EIF4G3: variants seen among roughly 807,000 people sequenced by gnomAD.
The protein encoded by EIF4G3 is eIF-4-gamma 3.
In EIF4G3, 34 loss-of-function variants were observed where a neutral mutation model predicts 186.4. That is an observed-to-expected ratio of 0.18 (90% CI 0.14 to 0.24). The LOEUF (loss-of-function observed/expected upper bound fraction) is 0.24, where lower values mean the gene tolerates loss of function less well. EIF4G3 is among the 10% of genes least tolerant of loss of function. The pLI, the probability that EIF4G3 is intolerant of heterozygous loss-of-function variation, is 1.00. For synonymous variants in EIF4G3, 673 were observed against 679.5 expected (o/e 0.99, Z 0.15); for missense variants, 1,536 against 1,948.5 (o/e 0.79, Z 3.99).
At chr1:21,159,107 C>T (rs113222673) in intron 2 of EIF4G3, among the ~76,000 whole-genome samples, 162 of 152,124 alleles carry the variant, frequency 1.1e-3, no homozygotes, top group African/African-American at 3.8e-3. Context: ...ACACGATTGT[C>T]GGGGAACTCA....
In EIF4G3 at chr1:21,058,717, CTCTTTTTTTTTTTTTT is replaced by C. The variant is rs1168685920; in HGVS notation, c.-195-7739_-195-7724del. On this transcript the variant is annotated intron_variant, in intron 3 of 36. Transcript: ENST00000602326. Reference sequence around the variant, plus strand: ...ATTTTTCTTCTTCTTCTCTCTCTCTCTCTTTTTTTTTTTTTTTTTTTTTTTTTTTTTTGTAGAGACA... The same window carrying C: ...ATTTTTCTTCTTCTTCTCTCTCTCTCTTTTTTTTTTTTTTTTGTAGAGACA... Among the ~76,000 whole-genome samples the C allele has an allele frequency of 1.3e-4, 14 of 104,682 alleles. No homozygotes were observed. The East Asian group carries it at 4.0e-3, about 30-fold the overall frequency. The allele number at this position is 104,682 out of a possible 152,430, so 68.7% of individuals were successfully genotyped here. A position where few individuals can be genotyped will look rare whatever the true frequency, so the allele number is the denominator to read the frequency against.
In EIF4G3 at chr1:20,854,170, T is replaced by C. The variant is rs2074176084; in HGVS notation, c.3434-493A>G. Among the ~76,000 whole-genome samples the C allele has an allele frequency of 2.6e-5, 4 of 152,212 alleles. No homozygotes were observed. In the South Asian group the frequency reaches 8.3e-4, roughly 31 times the overall value. ...CTTCCTCAAGCTAGTAAGATGTGTT[T>C]GTGAGATCCAAACATCTTTGGTCCT... On this transcript the variant is annotated intron_variant, in intron 26 of 36. Transcript: ENST00000602326.
chr1:20,851,455 T>C lies in EIF4G3; in HGVS notation c.3575A>G (p.Lys1192Arg), dbSNP rs1256197496. 6.2e-7 allele frequency: 1 copy of C among 1,614,148 alleles called. No individual in the cohort carries two copies. The highest frequency in any genetic ancestry group is 1.3e-5 in the African/African-American group (1 of 75,036). Residue 1192 changes from lysine to arginine, a missense_variant, in exon 28 of 37, where the codon AAG (lysine) becomes AGG (arginine). Around this residue, in one of 11 missense-constraint regions of EIF4G3, gnomAD observed 395 missense variants for 498.9 expected, o/e 0.79. Transcript: ENST00000602326. ...TGCAGATGGAAGGGGCTTGTCATTC[T>C]TCTCCCTGCCCATACTTCCACGACT... The part of the protein sequence containing the change: ...LTSRGSMGRE[K>R]NDKPLPSATA...
chr1:20,839,191 A>T (rs1362322935), intron 30 of EIF4G3, among the ~76,000 whole-genome samples: 1 of 151,548 alleles, frequency 6.6e-6, no homozygotes, highest in Non-Finnish European at 1.5e-5. Context: ...GTTAGCCAGG[A>T]TGGTCTCGAT....
intron 12 of EIF4G3, among the ~76,000 whole-genome samples, chr1:20,950,444 A>C (rs3767249): frequency 6.6e-6 from 1 of 152,046 alleles, no homozygotes; most frequent in African/African-American, 2.4e-5. Flanking sequence ...ACAATAGACG[A>C]CACATCTGAG....
intron 3 of EIF4G3, among the ~76,000 whole-genome samples, chr1:21,053,120 C>A (rs2094344429): frequency 6.6e-6 from 1 of 151,710 alleles, no homozygotes; most frequent in South Asian, 2.1e-4. Context: ...GGCCGCCATC[C>A]CATCTAGGAA....
At chr1:20,864,796 C>T in intron 21 of EIF4G3, 84 bp from the exon 22 acceptor site, 2 of 1,162,984 alleles carry the variant, frequency 1.7e-6, no homozygotes, top group Non-Finnish European at 2.5e-6. Flanking sequence ...GGTCAGAATC[C>T]CCGTGAGAAT....
At chr1:21,081,863 G>A (rs1006740183) in intron 3 of EIF4G3, among the ~76,000 whole-genome samples, 1 of 151,756 alleles carries the variant, frequency 6.6e-6, no homozygotes, top group African/African-American at 2.4e-5. Flanking sequence ...AGCTGGTCTC[G>A]AACTCCTGAC....
intron 15 of EIF4G3, among the ~76,000 whole-genome samples, chr1:20,903,068 C>T (rs1430078747): frequency 6.6e-6 from 1 of 152,254 alleles, no homozygotes; most frequent in Non-Finnish European, 1.5e-5. Context: ...AATTCTGGCT[C>T]ACCGCCTGCT....
chr1:21,162,089 A>G lies in EIF4G3; in HGVS notation c.-272+14086T>C, dbSNP rs181696148. 4.1e-3 allele frequency: 662 copies of G among 160,518 alleles called. 4 individuals are homozygous for G. Among genetic ancestry groups the G allele is most frequent in the Non-Finnish European group, 6.9e-3 (490 of 71,288 alleles). 9.9% of individuals were successfully genotyped at this position (160,518 alleles called of 1,614,324 possible). On this transcript the variant is annotated intron_variant, in intron 2 of 36. Coordinates refer to ENST00000602326, the MANE Select transcript of EIF4G3 (RefSeq NM_001391906.1). ...CACTCTTGGAAAGTATGTAAACTGA[A>G]ATAAATCACTATTGAAATGGCATCA... is the stretch of plus-strand genomic sequence containing the variant.
At position 20,910,582 on chromosome 1, in the gene EIF4G3, C is replaced by G. The variant is rs530528544; in HGVS notation, c.1664-5611G>C. ...TGGGCGACAGTGTGAGACTCCGACT[C>G]AAAAAAACAAAAACAAAAACAAAAC... On this transcript the variant is annotated intron_variant, in intron 14 of 36. Coordinates refer to ENST00000602326, the MANE Select transcript of EIF4G3 (RefSeq NM_001391906.1). 1.1e-3 allele frequency among the ~76,000 whole-genome samples: 162 copies of G among 151,700 alleles called. 1 individual carries two copies. The highest frequency in any genetic ancestry group is 3.5e-3 in the African/African-American group (144 of 41,378).
intron 3 of EIF4G3, among the ~76,000 whole-genome samples, chr1:21,064,279 A>G (rs1310695092): frequency 1.3e-5 from 2 of 152,128 alleles, no homozygotes; most frequent in Non-Finnish European, 2.9e-5. Flanking sequence ...TCAGTGAGTG[A>G]TCACTGATTC....
At chr1:20,919,019 A>G (rs556144791) in intron 14 of EIF4G3, among the ~76,000 whole-genome samples, 13 of 152,138 alleles carry the variant, frequency 8.5e-5, no homozygotes, top group Non-Finnish European at 1.9e-4. Context: ...AATGAGGTTA[A>G]GCATTTTTTC....
At chr1:20,882,920 C>A (rs2082858146) in intron 19 of EIF4G3, among the ~76,000 whole-genome samples, 1 of 151,124 alleles carries the variant, frequency 6.6e-6, no homozygotes, top group South Asian at 2.1e-4. Context: ...GAGACCTGGT[C>A]TCTACAAAAA....
At chr1:20,934,627 T>C (rs2095456726) in intron 14 of EIF4G3, among the ~76,000 whole-genome samples, 1 of 151,972 alleles carries the variant, frequency 6.6e-6, no homozygotes, top group South Asian at 2.1e-4. Context: ...ATAAAAATAA[T>C]GGTTGGGATG....
At chr1:21,039,623 C>G (rs976313771) in intron 4 of EIF4G3, among the ~76,000 whole-genome samples, 2 of 152,076 alleles carry the variant, frequency 1.3e-5, no homozygotes, top group East Asian at 3.9e-4. Context: ...TTTCCAACAC[C>G]CTGAACTCCA....
chr1:20,880,455 C>T (rs2082004236), intron 19 of EIF4G3, among the ~76,000 whole-genome samples: 1 of 152,138 alleles, frequency 6.6e-6, no homozygotes, highest in Non-Finnish European at 1.5e-5. Flanking sequence ...AAATATTTAG[C>T]CAAAAACTAG....
chr1:21,165,947 AATATTCTACC>A (rs1333803377), intron 2 of EIF4G3, among the ~76,000 whole-genome samples: 1 of 151,250 alleles, frequency 6.6e-6, no homozygotes, highest in African/African-American at 2.4e-5. Context: ...CATTATCTTG[AATATTCTACC>A]ATGAGAATCC....
chr1:20,952,944 C>A (rs1189531424), intron 12 of EIF4G3, among the ~76,000 whole-genome samples: 1 of 152,138 alleles, frequency 6.6e-6, no homozygotes, highest in African/African-American at 2.4e-5. Context: ...AACTATTTTA[C>A]TAATCAATAA....
Sources: gnomAD v4.1 joint callset for allele counts (sites outside exome capture counted in the v4.1 genomes callset) on GRCh38, gnomAD v4.1.1 for gene constraint, gnomAD v4.1.1 regional missense constraint, MANE v1.5 for transcripts, NCBI Gene and HGNC (gene_info 2026-07-23, HGNC 2026-07-21) for gene names.